CTNNA3: variants seen among roughly 807,000 people sequenced by gnomAD.
The protein encoded by CTNNA3 is catenin alpha 3, also known as catenin alpha-3.
In CTNNA3, 76 loss-of-function variants were observed where a neutral mutation model predicts 95.7. That is an observed-to-expected ratio of 0.79 (90% CI 0.66 to 0.96). The LOEUF is 0.96. CTNNA3 is among the 40% of genes least tolerant of loss of function. The pLI is 0.00. For missense variants in CTNNA3, 1,191 were observed against 1,089.8 expected (o/e 1.09, Z -1.31); for synonymous variants, 431 against 374.4 (o/e 1.15, Z -1.74).
chr10:66,190,009 A>G, intron 13 of CTNNA3, among the ~76,000 whole-genome samples: 1 of 152,246 alleles, frequency 6.6e-6, no homozygotes, highest in East Asian at 1.9e-4. Context: ...AATAATTTTT[A>G]AAGATATACT....
At chr10:66,922,968 A>G (rs988761143) in intron 7 of CTNNA3, among the ~76,000 whole-genome samples, 2 of 152,188 alleles carry the variant, frequency 1.3e-5, no homozygotes, top group African/African-American at 4.8e-5. Context: ...CAATCCAATT[A>G]TACTTTTAGT....
chr10:67,503,318 A>G lies in CTNNA3; in HGVS notation c.579+18524T>C, dbSNP rs186027769. Among the ~76,000 whole-genome samples the G allele has an allele frequency of 1.2e-3, 183 of 152,280 alleles. 2 individuals are homozygous for G. The East Asian group carries it at 0.023, about 19-fold the overall frequency. ...TGCACTCACTGTCTAACCAGTCCCA[A>G]TGAGATGAGCCAGGTACCTCAGTTG... is the stretch of plus-strand genomic sequence containing the variant. On this transcript the variant is annotated intron_variant, in intron 5 of 17. Coordinates refer to ENST00000433211, the MANE Select transcript of CTNNA3 (RefSeq NM_013266.4).
chr10:66,416,415 A>C (rs114750471), intron 11 of CTNNA3, among the ~76,000 whole-genome samples: 7,499 of 152,136 alleles, frequency 0.049, 256 homozygotes, highest in East Asian at 0.11. Context: ...AATTTCCCAA[A>C]TCTAGCAAGA....
At chr10:65,956,210 T>C (rs537138640) in intron 17 of CTNNA3, among the ~76,000 whole-genome samples, 68 of 152,354 alleles carry the variant, frequency 4.5e-4, no homozygotes, top group Middle Eastern at 6.8e-3. Flanking sequence ...TGGTAGTTTG[T>C]ACTTCTGTGG....
intron 15 of CTNNA3, among the ~76,000 whole-genome samples, chr10:66,010,149 T>G (rs1301666654): frequency 2.9e-5 from 1 of 34,646 alleles, no homozygotes; most frequent in East Asian, 5.7e-4. Flanking sequence ...AAAACATTGT[T>G]CATTCTAAAA....
chr10:66,809,589 T>C (rs1034103412), intron 7 of CTNNA3, among the ~76,000 whole-genome samples: 3 of 152,192 alleles, frequency 2.0e-5, no homozygotes, highest in Non-Finnish European at 4.4e-5. Context: ...GCACAGCTTA[T>C]TCCATTTACT....
At chr10:67,703,006 A>T (rs943826576) in intron 1 of CTNNA3, among the ~76,000 whole-genome samples, 27 of 152,244 alleles carry the variant, frequency 1.8e-4, no homozygotes, top group Admixed American at 1.6e-3. Context: ...ACCTCTACGC[A>T]AATAAACTAG....
intron 13 of CTNNA3, among the ~76,000 whole-genome samples, chr10:66,260,230 A>C (rs2090948990): frequency 6.6e-6 from 1 of 152,202 alleles, no homozygotes; most frequent in African/African-American, 2.4e-5. Context: ...AGACCCTTTC[A>C]CAAGATAATG....
At chr10:66,235,912 A>G (rs956014265) in intron 13 of CTNNA3, among the ~76,000 whole-genome samples, 1 of 152,152 alleles carries the variant, frequency 6.6e-6, no homozygotes, top group Non-Finnish European at 1.5e-5. Context: ...TTTTTTAAGG[A>G]TGATTTGACT....
At chr10:66,902,899 G>A (rs562109151) in intron 7 of CTNNA3, among the ~76,000 whole-genome samples, 5 of 135,098 alleles carry the variant, frequency 3.7e-5, no homozygotes, top group Non-Finnish European at 8.5e-5. Context: ...GCATACCAAC[G>A]AAAAAAGTCC....
chr10:67,080,981 T>G (rs569047833), intron 7 of CTNNA3, among the ~76,000 whole-genome samples: 14 of 151,452 alleles, frequency 9.2e-5, no homozygotes, highest in African/African-American at 3.1e-4. Context: ...TACCTAAAGC[T>G]AAACAATAAA....
At chr10:66,613,965 G>A (rs1844420095) in intron 10 of CTNNA3, among the ~76,000 whole-genome samples, 1 of 151,984 alleles carries the variant, frequency 6.6e-6, no homozygotes, top group Non-Finnish European at 1.5e-5. Context: ...AAAATTAAGT[G>A]CTTTCAGTTC....
chr10:67,636,288 G>C (rs1053533214), intron 2 of CTNNA3, among the ~76,000 whole-genome samples: 4 of 152,030 alleles, frequency 2.6e-5, no homozygotes, highest in Non-Finnish European at 5.9e-5. Context: ...AACTACCACT[G>C]ACATTCTTCA....
intron 5 of CTNNA3, among the ~76,000 whole-genome samples, chr10:67,471,595 A>G (rs575295506): frequency 6.0e-4 from 92 of 152,346 alleles, no homozygotes; most frequent in Non-Finnish European, 1.1e-3. Flanking sequence ...AAAGAACTGG[A>G]TTCCCCTAAT....
At chr10:65,963,109 T>C (rs2077886187) in intron 17 of CTNNA3, among the ~76,000 whole-genome samples, 1 of 152,204 alleles carries the variant, frequency 6.6e-6, no homozygotes, top group Admixed American at 6.5e-5. Flanking sequence ...TAAAAAATGT[T>C]AACTTTGAAA....
chr10:67,382,502 T>A (rs1178173883), intron 5 of CTNNA3, among the ~76,000 whole-genome samples: 1 of 152,214 alleles, frequency 6.6e-6, no homozygotes, highest in Non-Finnish European at 1.5e-5. Context: ...ATATAATATG[T>A]ATTTGTAGGA....
chr10:66,971,057 T>C (rs751124159), intron 7 of CTNNA3, among the ~76,000 whole-genome samples: 3 of 152,112 alleles, frequency 2.0e-5, no homozygotes, highest in Non-Finnish European at 4.4e-5. Context: ...CCCCTTTGAA[T>C]CATCTTAAAG....
At chr10:67,538,885 T>A (rs1840572560) in intron 4 of CTNNA3, among the ~76,000 whole-genome samples, 1 of 152,170 alleles carries the variant, frequency 6.6e-6, no homozygotes, top group South Asian at 2.1e-4. Context: ...TTAATAAAAT[T>A]CTCTCTCTAC....
chr10:67,362,144 T>C (rs996305329), intron 5 of CTNNA3, among the ~76,000 whole-genome samples: 1 of 151,534 alleles, frequency 6.6e-6, no homozygotes, highest in African/African-American at 2.4e-5. Context: ...TACCAACCAA[T>C]AAAAGCCCTG....
Sources: gnomAD v4.1 joint callset for allele counts (sites outside exome capture counted in the v4.1 genomes callset) on GRCh38, gnomAD v4.1.1 for gene constraint, MANE v1.5 for transcripts, NCBI Gene and HGNC (gene_info 2026-07-23, HGNC 2026-07-21) for gene names.